The following SGK1 variants were observed in gnomAD, a reference collection of about 807,000 sequenced individuals.
SGK1 encodes the protein serine/threonine-protein kinase Sgk1.
In SGK1, 26 loss-of-function variants were observed where a neutral mutation model predicts 64.2. That is an observed-to-expected ratio of 0.40 (90% confidence interval 0.30 to 0.56). The LOEUF (loss-of-function observed/expected upper bound fraction) is 0.56. SGK1 is among the 20% of genes least tolerant of loss of function. The pLI is 0.38. For synonymous variants in SGK1, 265 were observed against 239.7 expected (o/e 1.11, Z -0.98); for missense variants, 519 against 645.6 (o/e 0.80, Z 2.12).
intron 11 of SGK1, 121 bp from the exon 12 acceptor site, chr6:134,171,299 C>T: frequency 2.2e-6 from 2 of 915,172 alleles, no homozygotes; most frequent in Admixed American, 2.1e-5. Context: ...ACTCTCCCCA[C>T]CTCAATGCTT....
intron 3 of SGK1, among the ~76,000 whole-genome samples, chr6:134,184,444 G>A (rs1028824679): frequency 2.8e-5 from 4 of 144,996 alleles, no homozygotes; most frequent in African/African-American, 7.7e-5. Context: ...GGCAGAGGCC[G>A]CAGTGAGCCG....
chr6:134,266,966 C>T (rs764910322), intron 1 of SGK1, among the ~76,000 whole-genome samples: 1 of 152,116 alleles, frequency 6.6e-6, no homozygotes, highest in Non-Finnish European at 1.5e-5. Context: ...AATCTTTTTA[C>T]TCTGGCTTAC....
intron 3 of SGK1, chr6:134,174,861 T>A: frequency 6.2e-7 from 1 of 1,611,890 alleles, no homozygotes. Flanking sequence ...GCTCGGCGTA[T>A]GCTGCGCCAG....
intron 1 of SGK1, among the ~76,000 whole-genome samples, chr6:134,270,140 C>T (rs758160724): frequency 6.8e-6 from 1 of 147,914 alleles, no homozygotes; most frequent in Non-Finnish European, 1.5e-5. Context: ...AGGCTGATCT[C>T]GAACTCCTGA....
chr6:134,305,291 G>A (rs1194524270), intron 1 of SGK1, among the ~76,000 whole-genome samples: 5 of 150,270 alleles, frequency 3.3e-5, no homozygotes, highest in African/African-American at 9.8e-5. Flanking sequence ...CCCCAGAGGC[G>A]GAGGTTGCAG....
intron 2 of SGK1, among the ~76,000 whole-genome samples, chr6:134,230,805 G>A (rs1213301910): frequency 5.3e-5 from 8 of 152,168 alleles, no homozygotes; most frequent in Admixed American, 5.2e-4. Flanking sequence ...CTTGAAGTCA[G>A]GAGTTCCAGA....
intron 2 of SGK1, chr6:134,257,193 G>A (rs78075234): frequency 0.041 from 6,219 of 152,624 alleles, 227 homozygotes; most frequent in East Asian, 0.12. Context: ...TTGGGAGGCC[G>A]AGGCAGGCAG....
intron 1 of SGK1, among the ~76,000 whole-genome samples, chr6:134,299,944 AAAGT>A (rs1197416713): frequency 6.6e-6 from 1 of 152,134 alleles, no homozygotes; most frequent in Non-Finnish European, 1.5e-5. Flanking sequence ...TCAAAAAAAG[AAAGT>A]AAGTCAAAAA....
At chr6:134,294,143 TG>T (rs904446827) in intron 1 of SGK1, among the ~76,000 whole-genome samples, 2 of 152,334 alleles carry the variant, frequency 1.3e-5, no homozygotes, top group East Asian at 3.9e-4. Flanking sequence ...TCTGATCCCT[TG>T]GTCCTTCCTA....
At chr6:134,310,077 G>A (rs576194155) in intron 1 of SGK1, among the ~76,000 whole-genome samples, 56 of 145,926 alleles carry the variant, frequency 3.8e-4, no homozygotes, top group African/African-American at 1.3e-3. Context: ...CACCCCCCAC[G>A]TTCCTCACTC....
intron 2 of SGK1, among the ~76,000 whole-genome samples, chr6:134,218,437 C>CTTTTTTTTT (rs71003680): frequency 1.5e-4 from 20 of 129,140 alleles, no homozygotes; most frequent in South Asian, 2.4e-4. Context: ...TTCTTTTTTT[C>CTTTTTTTTT]TTTTTTTTTT....
Position 134,172,186 on chromosome 6 carries a change from C to T in SGK1, c.1071+7G>A, listed in dbSNP as rs773424957. 7 of 1,613,298 alleles carry T rather than the reference C, an allele frequency of 4.3e-6. No individual in the cohort carries two copies. Among genetic ancestry groups the T allele is most frequent in the Middle Eastern group, 1.7e-4 (1 of 6,060 alleles). ...TAAACCAGGCACCAAACCAAGACAG[C>T]GCCTACCTCCGGCGTGCCACAGAAG... On this transcript the variant is annotated splice_region_variant and intron_variant, in intron 10 of 13. Coordinates refer to ENST00000367858, the MANE Select transcript of SGK1 (RefSeq NM_001143676.3).
At chr6:134,297,082 T>C in intron 1 of SGK1, 1 of 485,478 alleles carries the variant, frequency 2.1e-6, no homozygotes, top group Non-Finnish European at 3.9e-6. Flanking sequence ...CTGGTGGAGC[T>C]GATGTGGCTG....
chr6:134,276,407 G>A (rs994488846), intron 1 of SGK1, among the ~76,000 whole-genome samples: 28 of 152,158 alleles, frequency 1.8e-4, no homozygotes, highest in Admixed American at 1.7e-3. Context: ...GGAGAGAGAG[G>A]AAAGCATGTT....
chr6:134,177,785 C>A, intron 3 of SGK1: 2 of 1,613,732 alleles, frequency 1.2e-6, no homozygotes, highest in Non-Finnish European at 1.7e-6. Flanking sequence ...AGCCTCCCTG[C>A]TACATGCCTC....
chr6:134,267,243 C>CT (rs1310568281), intron 1 of SGK1, among the ~76,000 whole-genome samples: 3 of 150,210 alleles, frequency 2.0e-5, no homozygotes, highest in Non-Finnish European at 3.0e-5. Flanking sequence ...TTTTCTTTTT[C>CT]TTTTTTTTAA....
intron 1 of SGK1, among the ~76,000 whole-genome samples, chr6:134,264,972 T>C (rs1398008554): frequency 2.0e-5 from 3 of 152,198 alleles, no homozygotes; most frequent in Non-Finnish European, 4.4e-5. Flanking sequence ...TAAAAAACAC[T>C]GAGGATAAAC....
chr6:134,261,819 T>C (rs1346213773), intron 2 of SGK1, 114 bp downstream of exon 2: 1 of 762,832 alleles, frequency 1.3e-6, no homozygotes, highest in Non-Finnish European at 2.3e-6. Flanking sequence ...CCTCAGAAGC[T>C]TTATAAATAT....
chr6:134,246,657 A>T (rs753213565), intron 2 of SGK1, among the ~76,000 whole-genome samples: 3 of 151,326 alleles, frequency 2.0e-5, no homozygotes, highest in Non-Finnish European at 4.4e-5. Flanking sequence ...CAGTGGTGTG[A>T]TCTCGGCTCA....
Sources: allele counts gnomAD v4.1 joint callset (sites outside exome capture counted in the v4.1 genomes callset), GRCh38; gene constraint gnomAD v4.1.1; transcripts MANE v1.5; gene names NCBI Gene and HGNC (gene_info 2026-07-23, HGNC 2026-07-21).